SNX24: variants seen among roughly 807,000 people sequenced by gnomAD.
SNX24 encodes the protein sorting nexin-24.
Under a neutral mutation model 28.7 loss-of-function variants are expected in SNX24, and 22 were observed. That is an observed-to-expected ratio of 0.77 (90% CI 0.55 to 1.10). The LOEUF is 1.10. Ranked by LOEUF, SNX24 falls within the 50% of genes least tolerant of loss-of-function variation. The pLI is 0.00. For missense variants in SNX24, 221 were observed against 201.1 expected (o/e 1.10, Z -0.60); for synonymous variants, 69 against 71.5 (o/e 0.96, Z 0.18).
chr5:122,884,370 G>A (rs1247227484), intron 1 of SNX24, among the ~76,000 whole-genome samples: 1 of 145,458 alleles, frequency 6.9e-6, no homozygotes, highest in African/African-American at 2.6e-5. Flanking sequence ...TCTTGCCTCA[G>A]ACTCCCGAAT....
chr5:123,008,120 A>G lies in SNX24; in HGVS notation c.*371A>G. 1 of 1,003,800 alleles carries G rather than the reference A, an allele frequency of 1.0e-6. No individual in the cohort carries two copies. Among genetic ancestry groups the G allele is most frequent in the South Asian group, 4.3e-5 (1 of 23,102 alleles). 62.2% of individuals were successfully genotyped at this position (1,003,800 alleles called of 1,614,324 possible). On this transcript the variant is annotated 3_prime_UTR_variant, in exon 7 of 7. Coordinates refer to ENST00000261369, the MANE Select transcript of SNX24 (RefSeq NM_014035.4). ...AAATCATATCCTGAATCATACTGAGACTGATCAACTTTGGTAGCTTTTTTG... is the reference window on the plus strand; with the variant it reads ...AAATCATATCCTGAATCATACTGAGGCTGATCAACTTTGGTAGCTTTTTTG...
intron 1 of SNX24, among the ~76,000 whole-genome samples, chr5:122,892,237 C>T (rs1176682776): frequency 1.3e-5 from 2 of 151,972 alleles, no homozygotes; most frequent in African/African-American, 4.8e-5. Context: ...CACACATGCA[C>T]TGTGCACACA....
At chr5:122,870,961 G>T (rs1755949302) in intron 1 of SNX24, among the ~76,000 whole-genome samples, 1 of 152,150 alleles carries the variant, frequency 6.6e-6, no homozygotes, top group South Asian at 2.1e-4. Flanking sequence ...ATCACCTGGA[G>T]AGCTTTACAA....
intron 3 of SNX24, among the ~76,000 whole-genome samples, chr5:122,985,143 A>G (rs1177759411): frequency 6.6e-6 from 1 of 152,188 alleles, no homozygotes; most frequent in African/African-American, 2.4e-5. Flanking sequence ...ACTTATAACC[A>G]TATCATCTCA....
At chr5:122,847,867 G>A (rs1426647174) in intron 1 of SNX24, among the ~76,000 whole-genome samples, 1 of 151,890 alleles carries the variant, frequency 6.6e-6, no homozygotes, top group African/African-American at 2.4e-5. Context: ...TTTCCCCTCT[G>A]CACAACTGGT....
chr5:122,903,502 C>T (rs747047623), intron 1 of SNX24, among the ~76,000 whole-genome samples: 4 of 152,144 alleles, frequency 2.6e-5, no homozygotes, highest in African/African-American at 9.7e-5. Flanking sequence ...TCTTTCCCTC[C>T]GCTGGTCTGT....
At chr5:122,869,267 A>G (rs917201476) in intron 1 of SNX24, among the ~76,000 whole-genome samples, 1 of 152,212 alleles carries the variant, frequency 6.6e-6, no homozygotes, top group African/African-American at 2.4e-5. Context: ...GTAGCTGTTT[A>G]TGGAGGCTGT....
At chr5:122,940,675 G>A (rs147720345) in intron 2 of SNX24, among the ~76,000 whole-genome samples, 4 of 152,078 alleles carry the variant, frequency 2.6e-5, no homozygotes, top group East Asian at 1.9e-4. Context: ...AGGTTCAAAC[G>A]ATTCTTCTTC....
intron 3 of SNX24, among the ~76,000 whole-genome samples, chr5:122,986,027 T>A (rs1281201550): frequency 5.3e-5 from 8 of 152,106 alleles, no homozygotes; most frequent in Non-Finnish European, 1.2e-4. Flanking sequence ...AGAGTAAGAA[T>A]GAGTGGAAGA....
At chr5:122,973,159 G>A (rs1175201001) in intron 3 of SNX24, among the ~76,000 whole-genome samples, 4 of 152,180 alleles carry the variant, frequency 2.6e-5, no homozygotes, top group African/African-American at 7.2e-5. Flanking sequence ...ACTCAGAGGG[G>A]TCCATCCACA....
At chr5:122,951,527 C>G (rs549026546) in intron 3 of SNX24, among the ~76,000 whole-genome samples, 2 of 152,048 alleles carry the variant, frequency 1.3e-5, no homozygotes, top group Non-Finnish European at 2.9e-5. Context: ...TTTCAGTTTC[C>G]CAAATTGATT....
At chr5:122,980,751 C>A (rs1252836665) in intron 3 of SNX24, among the ~76,000 whole-genome samples, 2 of 151,004 alleles carry the variant, frequency 1.3e-5, no homozygotes, top group Non-Finnish European at 2.9e-5. Context: ...CTACTCCATG[C>A]TTTGCCCCTG....
intron 6 of SNX24, among the ~76,000 whole-genome samples, chr5:123,005,005 G>A (rs894062395): frequency 1.3e-5 from 2 of 152,116 alleles, no homozygotes; most frequent in African/African-American, 4.8e-5. Context: ...AGTAATGCTG[G>A]CAATAATGGA....
At chr5:122,949,716 A>T (rs962875859) in intron 3 of SNX24, among the ~76,000 whole-genome samples, 2 of 152,226 alleles carry the variant, frequency 1.3e-5, no homozygotes, top group African/African-American at 4.8e-5. Flanking sequence ...TGAAGGTTAC[A>T]TAAGTGAGTT....
intron 6 of SNX24, 76 bp downstream of exon 6, chr5:123,002,080 G>C: frequency 8.8e-7 from 1 of 1,132,918 alleles, no homozygotes; most frequent in Non-Finnish European, 1.3e-6. Context: ...TTTTAATACA[G>C]GTCTAACAGA....
At chr5:122,905,838 C>A (rs979816885) in intron 1 of SNX24, among the ~76,000 whole-genome samples, 1 of 152,212 alleles carries the variant, frequency 6.6e-6, no homozygotes, top group Non-Finnish European at 1.5e-5. Context: ...CTGACCCTGA[C>A]CATTTACTAC....
chr5:122,910,741 A>G (rs1333032076), intron 1 of SNX24, among the ~76,000 whole-genome samples: 1 of 150,992 alleles, frequency 6.6e-6, no homozygotes, highest in Non-Finnish European at 1.5e-5. Flanking sequence ...TCCTTGCGAT[A>G]GTTTACTGAG....
intron 1 of SNX24, among the ~76,000 whole-genome samples, chr5:122,857,399 A>G (rs1352199544): frequency 6.6e-6 from 1 of 150,442 alleles, no homozygotes; most frequent in Non-Finnish European, 1.5e-5. Flanking sequence ...TCATTTATTT[A>G]TTTATTTGTT....
intron 1 of SNX24, among the ~76,000 whole-genome samples, chr5:122,865,432 G>C (rs1581684147): frequency 6.6e-6 from 1 of 152,226 alleles, no homozygotes; most frequent in Non-Finnish European, 1.5e-5. Flanking sequence ...CCGGGTTCAA[G>C]TGATTCTCGT....
Sources: gnomAD v4.1 joint callset for allele counts (sites outside exome capture counted in the v4.1 genomes callset) on GRCh38, gnomAD v4.1.1 for gene constraint, MANE v1.5 for transcripts, NCBI Gene and HGNC (gene_info 2026-07-23, HGNC 2026-07-21) for gene names.